The following RXRA variants were observed in gnomAD, a reference collection of about 807,000 sequenced individuals.
RXRA encodes the protein retinoic acid receptor RXR-alpha.
In RXRA, 5 loss-of-function variants were observed where a neutral mutation model predicts 44.5. The ratio of observed to expected loss-of-function variants is 0.11; its 90% CI spans 0.06 to 0.24. The LOEUF is 0.24. RXRA is among the 10% of genes least tolerant of loss of function. The pLI is 1.00. For synonymous variants in RXRA, 291 were observed against 271.4 expected, an observed-to-expected ratio of 1.07 and a Z score of -0.71; for missense variants, 412 against 646.5, an observed-to-expected ratio of 0.64 and a Z score of 3.93.
At chr9:134,428,969 C>T in intron 6 of RXRA, 139 bp from the exon 7 acceptor site, 1 of 1,027,834 alleles carries the variant, frequency 9.7e-7, no homozygotes, top group East Asian at 2.5e-5. Context: ...CTGTGGAACA[C>T]TTCATGGGAT....
At chr9:134,401,486 A>C in intron 1 of RXRA, 146 bp from the exon 2 acceptor site, 1 of 1,279,288 alleles carries the variant, frequency 7.8e-7, no homozygotes, top group Non-Finnish European at 1.1e-6. Flanking sequence ...AATTTGCGTC[A>C]GAGAGCTGTC....
intron 1 of RXRA, among the ~76,000 whole-genome samples, chr9:134,370,764 G>A (rs1345670739): frequency 6.6e-6 from 1 of 152,238 alleles, no homozygotes; most frequent in Non-Finnish European, 1.5e-5. Flanking sequence ...GGCGCCGGGT[G>A]GGCCTTGTGC....
chr9:134,439,581 A>G lies in RXRA; in HGVS notation c.*2967A>G, dbSNP rs35302552. 6.6e-6 allele frequency: 1 copy of G among 152,462 alleles called. No homozygotes were observed. The highest frequency in any genetic ancestry group is 2.4e-5 in the African/African-American group (1 of 41,586). 9.4% of individuals were successfully genotyped at this position (152,462 alleles called of 1,614,324 possible). ...AATTCTGGGCTGGCGGCCTGGTGGC[A>G]GTGCTGGAGATGACCCCGAGCCCCT... On this transcript the variant is annotated 3_prime_UTR_variant, in exon 10 of 10. Coordinates refer to ENST00000481739, the MANE Select transcript of RXRA (RefSeq NM_002957.6).
At chr9:134,341,698 G>A (rs1554748121) in intron 1 of RXRA, among the ~76,000 whole-genome samples, 4 of 152,136 alleles carry the variant, frequency 2.6e-5, no homozygotes, top group African/African-American at 9.7e-5. Context: ...GGGAGCTCCA[G>A]GGCGGCTGGC....
intron 1 of RXRA, among the ~76,000 whole-genome samples, chr9:134,393,025 TA>T (rs35870322): frequency 2.8e-4 from 41 of 147,484 alleles, no homozygotes; most frequent in African/African-American, 8.0e-4. Flanking sequence ...GGCTTCTTCT[TA>T]AAAAAAAAAA....
At chr9:134,402,195 A>G (rs1830975051) in intron 2 of RXRA, 4 of 411,678 alleles carry the variant, frequency 9.7e-6, no homozygotes, top group African/African-American at 4.1e-5. Context: ...CTCAGCAGAG[A>G]GAGGCTGTGG....
intron 1 of RXRA, among the ~76,000 whole-genome samples, chr9:134,369,414 A>G: frequency 1.2e-5 from 1 of 82,348 alleles, no homozygotes; most frequent in African/African-American, 5.1e-5. Context: ...TGTGTGGGTT[A>G]TATGTGTGTG....
intron 1 of RXRA, among the ~76,000 whole-genome samples, chr9:134,396,942 C>T (rs1289843674): frequency 6.6e-6 from 1 of 152,194 alleles, no homozygotes; most frequent in Non-Finnish European, 1.5e-5. Context: ...CCCTGGCTGC[C>T]CAGGAGGGGG....
At chr9:134,404,147 C>G (rs1235769991) in intron 2 of RXRA, 1 of 152,276 alleles carries the variant, frequency 6.6e-6, no homozygotes, top group Non-Finnish European at 1.5e-5. Context: ...ACCGCAAAGT[C>G]AGAGTCGCTG....
In RXRA at chr9:134,426,205, C is replaced by G. The variant is rs1831432124; in HGVS notation, c.911-2903C>G. On this transcript the variant is annotated intron_variant, in intron 6 of 9. Coordinates refer to ENST00000481739, the MANE Select transcript of RXRA (RefSeq NM_002957.6). The surrounding 1 kb of genome is among the most constrained non-coding windows in gnomAD (Gnocchi z 4.6). ...GTAAGACCTGGTATCCTCTGCATCA[C>G]TGAGGTCCTCCTTCTGAAAGGCCAG... The G allele has an allele frequency of 1.0e-6, 1 of 985,326 alleles. No homozygotes were observed. 61.0% of individuals were successfully genotyped at this position (985,326 alleles called of 1,614,324 possible). A position where few individuals can be genotyped will look rare whatever the true frequency, so the allele number is the denominator to read the frequency against.
intron 1 of RXRA, among the ~76,000 whole-genome samples, chr9:134,327,451 G>A (rs1834934375): frequency 6.6e-6 from 1 of 152,116 alleles, no homozygotes; most frequent in African/African-American, 2.4e-5. Context: ...CATGGCTGGG[G>A]CCCCCACCCA....
chr9:134,375,473 A>G (rs1830544259), intron 1 of RXRA, among the ~76,000 whole-genome samples: 1 of 152,192 alleles, frequency 6.6e-6, no homozygotes, highest in Non-Finnish European at 1.5e-5. Context: ...TGCTCCAGGC[A>G]GTGGGCAGGG....
intron 1 of RXRA, among the ~76,000 whole-genome samples, chr9:134,344,232 C>T (rs1231870101): frequency 6.6e-6 from 1 of 152,338 alleles, no homozygotes; most frequent in African/African-American, 2.4e-5. Flanking sequence ...TTTTCCCAGC[C>T]TCCTCTGGCA....
At position 134,342,251 on chromosome 9, in the gene RXRA, A is replaced by G. The variant is rs1830094651; in HGVS notation, c.28+15592A>G. On this transcript the variant is annotated intron_variant, in intron 1 of 9. Coordinates refer to ENST00000481739, the MANE Select transcript of RXRA (RefSeq NM_002957.6). This position sits in a 1 kb window ranked among gnomAD's most constrained non-coding sequence, Gnocchi z 4.4. The stretch of plus-strand genomic sequence containing the variant: ...AGGGCAGGGGCGGGGGTCCGGGTCG[A>G]GGACTAGCAAGCCACAGTGCACCAG... Among the ~76,000 whole-genome samples, 1 of 152,076 alleles carries G rather than the reference A, an allele frequency of 6.6e-6. No homozygotes were observed. Among genetic ancestry groups the G allele is most frequent in the South Asian group, 2.1e-4 (1 of 4,822 alleles).
At chr9:134,431,854 G>A (rs750546397) in intron 7 of RXRA, 51 bp from the exon 8 acceptor site, 1 of 1,438,552 alleles carries the variant, frequency 7.0e-7, no homozygotes, top group South Asian at 1.1e-5. Flanking sequence ...TGTGGCCCTG[G>A]TGAGGGCTGC....
chr9:134,387,391 A>C (rs1261067904), intron 1 of RXRA, among the ~76,000 whole-genome samples: 1 of 152,226 alleles, frequency 6.6e-6, no homozygotes, highest in African/African-American at 2.4e-5. Context: ...TAACTTTCCC[A>C]AGACCACGGG....
intron 1 of RXRA, among the ~76,000 whole-genome samples, chr9:134,376,730 G>C (rs1830562800): frequency 3.1e-5 from 1 of 32,240 alleles, no homozygotes; most frequent in South Asian, 1.1e-3. Context: ...TGGGCACTGG[G>C]CATGGAAATG....
intron 1 of RXRA, among the ~76,000 whole-genome samples, chr9:134,352,903 G>T (rs1830239002): frequency 6.6e-6 from 1 of 152,188 alleles, no homozygotes; most frequent in Admixed American, 6.5e-5. Context: ...TCCTTGGTGT[G>T]AGGAAGTACG....
intron 1 of RXRA, among the ~76,000 whole-genome samples, chr9:134,387,276 G>C (rs1241598810): frequency 2.0e-5 from 3 of 152,260 alleles, no homozygotes; most frequent in African/African-American, 7.2e-5. Context: ...CATGCACAGA[G>C]TGCCAGGGCC....
Sources: gnomAD v4.1 joint callset for allele counts (sites outside exome capture counted in the v4.1 genomes callset) on GRCh38, gnomAD v4.1.1 for gene constraint, Gnocchi (gnomAD v3.1) non-coding constraint, MANE v1.5 for transcripts, NCBI Gene and HGNC (gene_info 2026-07-23, HGNC 2026-07-21) for gene names.